Variants in ANXA8 observed in about 807,000 individuals in gnomAD.
The protein encoded by ANXA8 is annexin A8, also known as VAC-beta.
ANXA8 carries 9 observed loss-of-function variants against 26.8 expected under a neutral mutation model. The observed-to-expected ratio is 0.34, with a 90% CI of 0.20 to 0.59. The LOEUF is 0.59. Ranked by LOEUF, ANXA8 falls within the 20% of genes least tolerant of loss-of-function variation. ANXA8 has a pLI of 0.84. For synonymous variants in ANXA8, 39 were observed against 94.8 expected, an observed-to-expected ratio of 0.41 and a Z score of 3.42; for missense variants, 83 against 238.5, an observed-to-expected ratio of 0.35 and a Z score of 4.29.
the ANXA8 span, among the ~76,000 whole-genome samples, chr10:47,702,312 A>G: frequency 1.3e-5 from 2 of 150,344 alleles, no homozygotes; most frequent in Non-Finnish European, 3.0e-5. Context: ...TGGTGCCCAG[A>G]TCTTCGTCTG....
chr10:47,565,695 G>A, the ANXA8 span: 1 of 451,894 alleles, frequency 2.2e-6, no homozygotes, highest in Non-Finnish European at 3.6e-6. Context: ...GCCACCGCTC[G>A]ACTCCCTGAA....
the ANXA8 span, among the ~76,000 whole-genome samples, chr10:47,722,434 A>G: frequency 7.3e-6 from 1 of 136,346 alleles, no homozygotes; most frequent in Non-Finnish European, 1.6e-5. Context: ...AGGTCAAACC[A>G]CAATTAAGGC....
chr10:47,563,632 A>G, the ANXA8 span: 1 of 892,268 alleles, frequency 1.1e-6, no homozygotes, highest in South Asian at 1.3e-5. Flanking sequence ...ATGTGAGTGT[A>G]GATGAAGTAA....
intron 11 of ANXA8, among the ~76,000 whole-genome samples, chr10:47,469,964 G>A (rs1839273436): frequency 6.6e-6 from 1 of 151,524 alleles, no homozygotes; most frequent in African/African-American, 2.4e-5. Flanking sequence ...CGGCAGCCTT[G>A]GACTCCTGGG....
chr10:47,756,500 C>CGCAA, the ANXA8 span, among the ~76,000 whole-genome samples: 1 of 141,424 alleles, frequency 7.1e-6, no homozygotes, highest in East Asian at 2.3e-4. Flanking sequence ...AGCCTAGCAC[C>CGCAA]GCAAGCCTGT....
intron 9 of ANXA8, 78 bp downstream of exon 9, chr10:47,473,892 T>C: frequency 3.0e-6 from 1 of 337,742 alleles, no homozygotes; most frequent in Non-Finnish European, 4.8e-6. Flanking sequence ...TGTGGTCGCA[T>C]CCCTAGGCCC....
chr10:47,968,501 C>A, the ANXA8 span, among the ~76,000 whole-genome samples: 1 of 141,132 alleles, frequency 7.1e-6, no homozygotes, highest in Non-Finnish European at 1.6e-5. Flanking sequence ...TATCCACCAC[C>A]ACCACGACTG....
the ANXA8 span, among the ~76,000 whole-genome samples, chr10:47,683,292 A>C: frequency 9.3e-5 from 13 of 140,332 alleles, no homozygotes; most frequent in East Asian, 1.1e-3. Flanking sequence ...GCAGTGGCGC[A>C]ATCTTGGCTC....
At chr10:47,968,051 T>C in the ANXA8 span, among the ~76,000 whole-genome samples, 2 of 151,402 alleles carry the variant, frequency 1.3e-5, no homozygotes, top group South Asian at 2.1e-4. Context: ...TAACCTGTTA[T>C]ACAGTTAGTC....
the ANXA8 span, among the ~76,000 whole-genome samples, chr10:47,697,375 T>C: frequency 1.3e-5 from 2 of 152,000 alleles, no homozygotes; most frequent in Non-Finnish European, 2.9e-5. Context: ...AACATAGTAA[T>C]ATTAGAGGGA....
At chr10:47,600,537 T>A in the ANXA8 span, among the ~76,000 whole-genome samples, 1 of 148,766 alleles carries the variant, frequency 6.7e-6, no homozygotes, top group Non-Finnish European at 1.5e-5. Flanking sequence ...GCACTATCAC[T>A]AGGAGGAGGC....
chr10:47,623,540 T>A, the ANXA8 span, among the ~76,000 whole-genome samples: 1 of 112,034 alleles, frequency 8.9e-6, no homozygotes, highest in Non-Finnish European at 1.9e-5. Flanking sequence ...TTGCTGAATG[T>A]CTGTATGTTT....
chr10:47,502,156 C>T, the ANXA8 span: 75 of 1,565,810 alleles, frequency 4.8e-5, 13 homozygotes, highest in Middle Eastern at 4.6e-4. Context: ...CGTAGGTCAG[C>T]GCTGTGTTCC....
the ANXA8 span, among the ~76,000 whole-genome samples, chr10:47,508,121 A>G: frequency 2.5e-5 from 3 of 120,918 alleles, no homozygotes; most frequent in Admixed American, 2.7e-4. Flanking sequence ...CTGGAGTGCA[A>G]TGGTGTGATC....
At position 47,468,862 on chromosome 10, in the gene ANXA8, C is replaced by A. The variant is rs1213893650; in HGVS notation, c.969G>T (p.Val323=). 1 of 1,610,852 alleles carries A rather than the reference C, an allele frequency of 6.2e-7. No homozygotes were observed. Among genetic ancestry groups the A allele is most frequent in the African/African-American group, 1.3e-5 (1 of 74,470 alleles). The change falls in exon 12 of 12, where the codon GTG becomes GTT. Residue 323 remains valine, a synonymous_variant. Coordinates refer to ENST00000585281, the MANE Select transcript of ANXA8 (RefSeq NM_001040084.3). ...CTTCTGTGCCTCAGGGGTCGCTGCC[C>A]ACCAGGCTCAGCAGGGCGTTCTTGT... ...GDYKNALLSL[V]GSDP
the ANXA8 span, chr10:47,549,295 G>C: frequency 2.0e-5 from 30 of 1,499,510 alleles, no homozygotes; most frequent in Admixed American, 1.8e-4. Flanking sequence ...GGCTGCCCCT[G>C]CTCACTTACC....
chr10:47,553,224 G>C, the ANXA8 span: 1 of 151,994 alleles, frequency 6.6e-6, no homozygotes, highest in Non-Finnish European at 1.5e-5. Context: ...GTCGCCTGCC[G>C]GGACCACGTC....
At chr10:47,955,460 A>C in the ANXA8 span, among the ~76,000 whole-genome samples, 2 of 149,574 alleles carry the variant, frequency 1.3e-5, no homozygotes, top group Non-Finnish European at 3.0e-5. Context: ...AGCCCATTAC[A>C]TACCTGGGCT....
the ANXA8 span, among the ~76,000 whole-genome samples, chr10:47,680,459 A>G: frequency 6.6e-6 from 1 of 151,790 alleles, no homozygotes; most frequent in Non-Finnish European, 1.5e-5. Flanking sequence ...ACATGGTGAA[A>G]CCCCATCTCT....
Sources: gnomAD v4.1 joint callset for allele counts (sites outside exome capture counted in the v4.1 genomes callset) on GRCh38, gnomAD v4.1.1 for gene constraint, MANE v1.5 for transcripts, NCBI Gene and HGNC (gene_info 2026-07-23, HGNC 2026-07-21) for gene names.